Variants in NEDD4L observed in about 807,000 individuals in gnomAD.
NEDD4L encodes E3 ubiquitin-protein ligase NEDD4-like.
In NEDD4L, 54 loss-of-function variants were observed where a neutral mutation model predicts 148.9. The observed-to-expected ratio is 0.36, with a 90% CI of 0.29 to 0.45. NEDD4L has a LOEUF of 0.45. NEDD4L is among the 20% of genes least tolerant of loss of function. NEDD4L has a pLI of 1.00. For missense variants in NEDD4L, 856 were observed against 1,233.8 expected, an observed-to-expected ratio of 0.69 and a Z score of 4.59; for synonymous variants, 433 against 440.7, an observed-to-expected ratio of 0.98 and a Z score of 0.22.
chr18:58,317,868 A>G (rs541249929), intron 6 of NEDD4L, among the ~76,000 whole-genome samples: 39 of 152,300 alleles, frequency 2.6e-4, no homozygotes, highest in South Asian at 4.1e-4. Flanking sequence ...CTTCACCTCC[A>G]TACTTCAAAC....
chr18:58,121,722 C>A (rs529606710), intron 1 of NEDD4L, among the ~76,000 whole-genome samples: 1 of 152,244 alleles, frequency 6.6e-6, no homozygotes, highest in East Asian at 1.9e-4. Flanking sequence ...TATATGTTTT[C>A]TATGTTTATT....
chr18:58,099,264 G>A (rs2084614136), intron 1 of NEDD4L, among the ~76,000 whole-genome samples: 1 of 151,912 alleles, frequency 6.6e-6, no homozygotes, highest in Admixed American at 6.6e-5. Context: ...CTGCAACCCT[G>A]AAGTCCTGGG....
chr18:58,050,537 G>C (rs1318596400), intron 1 of NEDD4L, among the ~76,000 whole-genome samples: 1 of 152,038 alleles, frequency 6.6e-6, no homozygotes, highest in Non-Finnish European at 1.5e-5. Context: ...GAGGCTGGAG[G>C]ATCACCTGAG....
In NEDD4L at chr18:58,129,348, T is replaced by C. The variant is rs573552762; in HGVS notation, c.49-36440T>C. ...CTGCATTTGGCCTCAGTGTGTGGACTGTCCTGAAATTTGAGTACAGATGTG... is the reference window on the plus strand; with the variant it reads ...CTGCATTTGGCCTCAGTGTGTGGACCGTCCTGAAATTTGAGTACAGATGTG... On this transcript the variant is annotated intron_variant, in intron 1 of 30. Coordinates refer to ENST00000400345, the MANE Select transcript of NEDD4L (RefSeq NM_001144967.3). Among the ~76,000 whole-genome samples, 39 of 152,378 alleles carry C rather than the reference T, an allele frequency of 2.6e-4. No individual in the cohort carries two copies. The South Asian group carries it at 7.0e-3, about 28-fold the overall frequency.
intron 1 of NEDD4L, among the ~76,000 whole-genome samples, chr18:58,157,185 CAAAAA>C (rs59302556): frequency 3.4e-5 from 3 of 89,298 alleles, no homozygotes; most frequent in Non-Finnish European, 2.5e-5. Flanking sequence ...GACCTTGTCT[CAAAAA>C]AAAAAAAAAA....
chr18:58,278,358 C>T (rs181404268), intron 5 of NEDD4L, among the ~76,000 whole-genome samples: 2 of 152,326 alleles, frequency 1.3e-5, no homozygotes, highest in Admixed American at 6.5e-5. Context: ...CCAGGCCCTG[C>T]CCCTCCTGCC....
At chr18:58,096,986 A>C (rs1424719772) in intron 1 of NEDD4L, among the ~76,000 whole-genome samples, 1 of 152,208 alleles carries the variant, frequency 6.6e-6, no homozygotes, top group Non-Finnish European at 1.5e-5. Flanking sequence ...ATTTTGCATT[A>C]GTCAGTTAAG....
intron 1 of NEDD4L, among the ~76,000 whole-genome samples, chr18:58,091,974 A>G (rs1201266411): frequency 6.6e-6 from 1 of 152,214 alleles, no homozygotes; most frequent in Non-Finnish European, 1.5e-5. Context: ...TTGCTTTTGT[A>G]AGGGATGTCA....
At chr18:58,130,466 GCGGAAC>G (rs2031908736) in intron 1 of NEDD4L, among the ~76,000 whole-genome samples, 1 of 143,504 alleles carries the variant, frequency 7.0e-6, no homozygotes, top group Non-Finnish European at 1.5e-5. Context: ...TTGTGATCTA[GCGGAAC>G]TGTGGCGGTG....
At chr18:58,214,079 A>T (rs1252900940) in intron 2 of NEDD4L, among the ~76,000 whole-genome samples, 4 of 152,144 alleles carry the variant, frequency 2.6e-5, no homozygotes, top group African/African-American at 9.7e-5. Flanking sequence ...CAGTCTTAGG[A>T]CCACATTCCT....
At chr18:58,268,954 C>A (rs1443937095) in intron 5 of NEDD4L, among the ~76,000 whole-genome samples, 2 of 152,138 alleles carry the variant, frequency 1.3e-5, no homozygotes, top group Admixed American at 6.5e-5. Flanking sequence ...GTATGGCCTT[C>A]AGTGACTCAG....
Position 58,073,785 on chromosome 18 carries a change from A to G in NEDD4L, c.48+29077A>G, listed in dbSNP as rs545321335. Among the ~76,000 whole-genome samples the G allele has an allele frequency of 4.6e-5, 7 of 152,292 alleles. No individual in the cohort carries two copies. In the South Asian group the frequency reaches 1.5e-3, roughly 32 times the overall value. On this transcript the variant is annotated intron_variant, in intron 1 of 30. Coordinates refer to ENST00000400345, the MANE Select transcript of NEDD4L (RefSeq NM_001144967.3). Reference sequence around the variant, plus strand: ...TTCTGTGATTAGCTAATGGTGATAGATGCATAGTTTTGGAGACACATTAAA... The same window carrying G: ...TTCTGTGATTAGCTAATGGTGATAGGTGCATAGTTTTGGAGACACATTAAA...
intron 2 of NEDD4L, among the ~76,000 whole-genome samples, chr18:58,214,751 G>A (rs1322695187): frequency 6.7e-6 from 1 of 148,246 alleles, no homozygotes; most frequent in African/African-American, 2.5e-5. Flanking sequence ...TTTCTGAGGT[G>A]TGTCATGTTT....
chr18:58,143,292 G>T (rs577990148), intron 1 of NEDD4L, among the ~76,000 whole-genome samples: 1 of 152,106 alleles, frequency 6.6e-6, no homozygotes, highest in Admixed American at 6.5e-5. Context: ...CTGCACCCTC[G>T]ATCTCACAGC....
At chr18:58,386,270 C>A (rs1290272144) in intron 26 of NEDD4L, among the ~76,000 whole-genome samples, 1 of 152,132 alleles carries the variant, frequency 6.6e-6, no homozygotes, top group Non-Finnish European at 1.5e-5. Context: ...CCAGGATGGT[C>A]TTGATCTCCT....
At chr18:58,285,515 G>A (rs868369788) in intron 5 of NEDD4L, among the ~76,000 whole-genome samples, 2 of 152,200 alleles carry the variant, frequency 1.3e-5, no homozygotes, top group Middle Eastern at 3.4e-3. Flanking sequence ...CCTACCCCTA[G>A]CCTGATGCCC....
Position 58,212,178 on chromosome 18 carries a change from G to A in NEDD4L, c.123-33249G>A, listed in dbSNP as rs185621306. Among the ~76,000 whole-genome samples the A allele has an allele frequency of 2.9e-3, 436 of 152,236 alleles. 4 individuals are homozygous for A. The South Asian group carries it at 0.033, about 11-fold the overall frequency. ...GACGGTCTCACTCTGTCAGGCTGGA[G>A]TGCAGTGGCGCGATCAGGGCTCACT... is the stretch of plus-strand genomic sequence containing the variant. On this transcript the variant is annotated intron_variant, in intron 2 of 30. Coordinates refer to ENST00000400345, the MANE Select transcript of NEDD4L (RefSeq NM_001144967.3).
rs757316088 is a variant in NEDD4L, at chr18:58,272,645, AAATT to A, written c.297+20595_297+20598del. Among the ~76,000 whole-genome samples, 10 of 152,174 alleles carry A rather than the reference AAATT, an allele frequency of 6.6e-5. No homozygotes were observed. In the East Asian group the frequency reaches 7.7e-4, roughly 12 times the overall value. The stretch of plus-strand genomic sequence containing the variant: ...ACCCTGTCTCAAAGAAAAAAAAAAA[AAATT>A]AATCCCGACCTTCCTCCAAAAAAGA... On this transcript the variant is annotated intron_variant, in intron 5 of 30. Coordinates refer to ENST00000400345, the MANE Select transcript of NEDD4L (RefSeq NM_001144967.3).
At chr18:58,338,607 CTG>C (rs1456271748) in intron 13 of NEDD4L, among the ~76,000 whole-genome samples, 1 of 152,222 alleles carries the variant, frequency 6.6e-6, no homozygotes, top group Non-Finnish European at 1.5e-5. Context: ...GTGCTATTCA[CTG>C]TGGCTGTATG....
Sources: gnomAD v4.1 joint callset for allele counts (sites outside exome capture counted in the v4.1 genomes callset) on GRCh38, gnomAD v4.1.1 for gene constraint, MANE v1.5 for transcripts, NCBI Gene and HGNC (gene_info 2026-07-23, HGNC 2026-07-21) for gene names.